TMEM132C: variants seen among roughly 807,000 people sequenced by gnomAD.
The protein encoded by TMEM132C is protein phosphatase 1, regulatory subunit 152.
TMEM132C carries 29 observed loss-of-function variants against 61.4 expected under a neutral mutation model. The ratio of observed to expected loss-of-function variants is 0.47; its 90% CI spans 0.35 to 0.64. TMEM132C has a LOEUF of 0.64. TMEM132C is among the 30% of genes least tolerant of loss of function. The pLI is 0.00. For missense variants in TMEM132C, 1,408 were observed against 1,476.9 expected, an observed-to-expected ratio of 0.95 and a Z score of 0.76; for synonymous variants, 656 against 633.1, an observed-to-expected ratio of 1.04 and a Z score of -0.54.
intron 1 of TMEM132C, among the ~76,000 whole-genome samples, chr12:128,392,064 T>TCTCTCTC (rs1555222005): frequency 9.7e-4 from 126 of 130,530 alleles, no homozygotes; most frequent in African/African-American, 3.5e-3. Context: ...CTCTCTCTCT[T>TCTCTCTC]TCTCTCTCTC....
intron 8 of TMEM132C, among the ~76,000 whole-genome samples, chr12:128,702,375 GA>G (rs1954810269): frequency 6.6e-6 from 1 of 151,586 alleles, no homozygotes; most frequent in African/African-American, 2.4e-5. Context: ...GTATTATTAT[GA>G]AATGTTATTA....
At chr12:128,475,532 C>T (rs74622562) in intron 2 of TMEM132C, among the ~76,000 whole-genome samples, 7,252 of 152,044 alleles carry the variant, frequency 0.048, 576 homozygotes, top group African/African-American at 0.17. Context: ...AATATGCTTT[C>T]AGATGGTGAA....
intron 1 of TMEM132C, among the ~76,000 whole-genome samples, chr12:128,285,653 C>T (rs1871031245): frequency 6.6e-6 from 1 of 151,402 alleles, no homozygotes; most frequent in Non-Finnish European, 1.5e-5. Context: ...CTCTCTCTCT[C>T]TCTCCCTCTC....
chr12:128,590,305 C>T (rs544629719), intron 3 of TMEM132C, among the ~76,000 whole-genome samples: 18 of 152,292 alleles, frequency 1.2e-4, no homozygotes, highest in African/African-American at 4.1e-4. Context: ...TCACAGCAGA[C>T]GGCAGAGCTT....
At chr12:128,633,637 C>T (rs1024134415) in intron 4 of TMEM132C, among the ~76,000 whole-genome samples, 2 of 152,116 alleles carry the variant, frequency 1.3e-5, no homozygotes, top group African/African-American at 4.8e-5. Context: ...TTCTGAGAAA[C>T]CCTCACCTAG....
At chr12:128,521,651 A>G in intron 2 of TMEM132C, among the ~76,000 whole-genome samples, 1 of 152,156 alleles carries the variant, frequency 6.6e-6, no homozygotes, top group Admixed American at 6.5e-5. Flanking sequence ...TTAGAAAACT[A>G]GCAATATCTA....
intron 1 of TMEM132C, among the ~76,000 whole-genome samples, chr12:128,354,361 T>A (rs1873434359): frequency 6.6e-6 from 1 of 152,052 alleles, no homozygotes; most frequent in Non-Finnish European, 1.5e-5. Context: ...CTCTTTCTTC[T>A]TTCTGTTTTT....
At chr12:128,631,438 C>G (rs1954064205) in intron 4 of TMEM132C, among the ~76,000 whole-genome samples, 1 of 152,196 alleles carries the variant, frequency 6.6e-6, no homozygotes, top group South Asian at 2.1e-4. Flanking sequence ...CTTTCCTCAT[C>G]ATTCTTCATC....
intron 2 of TMEM132C, among the ~76,000 whole-genome samples, chr12:128,523,317 A>G (rs1328147422): frequency 6.6e-6 from 1 of 152,192 alleles, no homozygotes; most frequent in African/African-American, 2.4e-5. Context: ...TGAGAAGAAG[A>G]AAAGATTCTG....
chr12:128,432,780 G>C (rs11615375), intron 2 of TMEM132C, among the ~76,000 whole-genome samples: 39,738 of 152,044 alleles, frequency 0.26, 6,591 homozygotes, highest in Non-Finnish European at 0.35. Context: ...GTTTTGAGAG[G>C]GTTAACTCCA....
Position 128,495,733 on chromosome 12 carries a change from C to T in TMEM132C, c.975-48224C>T, listed in dbSNP as rs373974379. On this transcript the variant is annotated intron_variant, in intron 2 of 8. Coordinates refer to ENST00000435159, the MANE Select transcript of TMEM132C (RefSeq NM_001136103.3). ...TTTTGAGCCTATGTGTGTCTCTGCA[C>T]GTGAGATGGGTTTCCTGAATACAGC... 4.6e-3 allele frequency among the ~76,000 whole-genome samples: 698 copies of T among 151,944 alleles called. 3 individuals carry two copies. The highest frequency in any genetic ancestry group is 0.014 in the Middle Eastern group (4 of 294).
chr12:128,312,804 G>A (rs572931003), intron 1 of TMEM132C, among the ~76,000 whole-genome samples: 1 of 152,354 alleles, frequency 6.6e-6, no homozygotes, highest in East Asian at 1.9e-4. Flanking sequence ...TATTATGGCA[G>A]CTCTGGGAAA....
At chr12:128,676,149 T>G (rs1045754694) in intron 5 of TMEM132C, among the ~76,000 whole-genome samples, 1 of 152,224 alleles carries the variant, frequency 6.6e-6, no homozygotes, top group Non-Finnish European at 1.5e-5. Flanking sequence ...CAGGCTCACA[T>G]GCACATTTAA....
intron 1 of TMEM132C, among the ~76,000 whole-genome samples, chr12:128,281,137 G>C (rs780701248): frequency 5.3e-5 from 8 of 152,190 alleles, no homozygotes; most frequent in Non-Finnish European, 1.0e-4. Context: ...ATGAAGATGT[G>C]TTTTCCTAGT....
Position 128,279,724 on chromosome 12 carries a change from A to T in TMEM132C, c.85+12237A>T, listed in dbSNP as rs184899005. On this transcript the variant is annotated intron_variant, in intron 1 of 8. Coordinates refer to ENST00000435159, the MANE Select transcript of TMEM132C (RefSeq NM_001136103.3). ...TGTGCCAAGGGCACCTCCTCATGGA[A>T]GTCTCCCTATGCACATTGTCTGTTG... 3.3e-5 allele frequency among the ~76,000 whole-genome samples: 5 copies of T among 152,296 alleles called. No individual in the cohort carries two copies. The East Asian group carries it at 5.8e-4, about 18-fold the overall frequency.
chr12:128,652,015 T>C (rs1345033100), intron 4 of TMEM132C, among the ~76,000 whole-genome samples: 1 of 152,180 alleles, frequency 6.6e-6, no homozygotes, highest in Non-Finnish European at 1.5e-5. Context: ...ATGTGACTAA[T>C]GCAGTTAGCA....
intron 1 of TMEM132C, among the ~76,000 whole-genome samples, chr12:128,354,331 CCTTT>C (rs1422321097): frequency 1.3e-5 from 2 of 151,506 alleles, no homozygotes; most frequent in Admixed American, 6.6e-5. Context: ...TCCCTCACTT[CCTTT>C]CTTCTCTTTC....
At chr12:128,682,651 G>C (rs1249529512) in intron 5 of TMEM132C, among the ~76,000 whole-genome samples, 2 of 152,226 alleles carry the variant, frequency 1.3e-5, no homozygotes, top group African/African-American at 4.8e-5. Flanking sequence ...GAAAATATCA[G>C]ACATATAACG....
chr12:128,381,882 A>G (rs1874411613), intron 1 of TMEM132C, among the ~76,000 whole-genome samples: 3 of 152,180 alleles, frequency 2.0e-5, no homozygotes, highest in African/African-American at 7.2e-5. Context: ...CAACCTCTTA[A>G]GAGGAAAAGG....
Sources: allele counts gnomAD v4.1 joint callset (sites outside exome capture counted in the v4.1 genomes callset), GRCh38; gene constraint gnomAD v4.1.1; transcripts MANE v1.5; gene names NCBI Gene and HGNC (gene_info 2026-07-23, HGNC 2026-07-21).